Variants in ZFHX2 observed in about 807,000 individuals in gnomAD.
ZFHX2 encodes zinc finger homeobox 2.
ZFHX2 carries 75 observed loss-of-function variants against 164.8 expected under a neutral mutation model. That is an observed-to-expected ratio of 0.46 (90% CI 0.38 to 0.55). The LOEUF is 0.55. Ranked by LOEUF, ZFHX2 falls within the 20% of genes least tolerant of loss-of-function variation. The pLI, the probability that ZFHX2 is intolerant of heterozygous loss-of-function variation, is 0.00. For synonymous variants in ZFHX2, 1,217 were observed against 1,351.4 expected (o/e 0.90, Z 2.18); for missense variants, 2,933 against 3,308.0 (o/e 0.89, Z 2.78).
rs148866685 is a variant in ZFHX2 at position 23,539,650 on chromosome 14, C to G, written c.-49-4276G>C. 8.9e-4 allele frequency among the ~76,000 whole-genome samples: 136 copies of G among 152,298 alleles called. 1 individual carries two copies. In the East Asian group the frequency reaches 0.022, roughly 25 times the overall value. ...CTGAAGAGGAGCCATGTCGTGGATT[C>G]AGGCTGGCCGGCAGAACTGGAGGCA... On this transcript the variant is annotated intron_variant, in intron 1 of 9. Transcript: ENST00000419474.
chr14:23,545,094 C>T (rs1881250522), intron 1 of ZFHX2, among the ~76,000 whole-genome samples: 1 of 152,108 alleles, frequency 6.6e-6, no homozygotes, highest in South Asian at 2.1e-4. Flanking sequence ...TCTTTTCCTT[C>T]CCTCTCCCCC....
chr14:23,527,049 A>C, intron 7 of ZFHX2, 76 bp from the exon 8 acceptor site: 3 of 1,419,764 alleles, frequency 2.1e-6, no homozygotes, highest in Non-Finnish European at 2.7e-6. Context: ...CATCTGCCCT[A>C]CACCTGTACT....
In ZFHX2 at chr14:23,524,403, C is replaced by T; in HGVS notation, c.5539G>A (p.Gly1847Arg). Reference protein sequence around the residue: ...GSLSPTGSEAGGGGEGEPPRD... With the variant: ...GSLSPTGSEARGGGEGEPPRD... ...GGGGGCTCGCCCTCCCCTCCTCCCC[C>T]TGCTTCACTGCCTGTGGGAGACAAG... is the stretch of plus-strand genomic sequence containing the variant. The change falls in exon 9 of 10, where the codon GGG (glycine) becomes AGG (arginine). Residue 1847 changes from glycine to arginine, a missense_variant. Gly to Arg is a moderately radical substitution (Grantham distance 125). Coordinates refer to ENST00000419474, the MANE Select transcript of ZFHX2 (RefSeq NM_033400.3). This position sits in a 1 kb window ranked among gnomAD's most constrained non-coding sequence, Gnocchi z 5.6. 1 of 1,536,238 alleles carries T rather than the reference C, an allele frequency of 6.5e-7. No homozygotes were observed. Among genetic ancestry groups the T allele is most frequent in the Non-Finnish European group, 8.7e-7 (1 of 1,146,914 alleles).
chr14:23,525,720 G>A lies in ZFHX2; in HGVS notation c.4222C>T (p.Arg1408Trp), dbSNP rs757791460. 7.9e-6 allele frequency: 12 copies of A among 1,514,128 alleles called. No individual in the cohort carries two copies. The highest frequency in any genetic ancestry group is 6.0e-5 in the Admixed American group (3 of 49,676). 93.8% of individuals were successfully genotyped at this position (1,514,128 alleles called of 1,614,324 possible). A position where few individuals can be genotyped will look rare whatever the true frequency, so the allele number is the denominator to read the frequency against. Residue 1408 changes from arginine (R) to tryptophan (W), a missense_variant, in exon 9 of 10, where the codon CGG becomes TGG. By Grantham distance (101) the Arg-to-Trp change is moderately radical. Coordinates refer to ENST00000419474, the MANE Select transcript of ZFHX2 (RefSeq NM_033400.3). The surrounding 1 kb of genome is among the most constrained non-coding windows in gnomAD (Gnocchi z 5.9). ...PQPPKAELAE[R>W]EWERPPMAKE... ...GCCATGGGGGGCCGCTCCCACTCCC[G>A]CTCAGCCAGCTCAGCCTTGGGAGGT...
chr14:23,549,466 C>A (rs1881744267), intron 1 of ZFHX2, among the ~76,000 whole-genome samples: 1 of 152,130 alleles, frequency 6.6e-6, no homozygotes, highest in Non-Finnish European at 1.5e-5. Context: ...TTTATCCACC[C>A]TTACTGTTCT....
In ZFHX2 at chr14:23,524,569, A is replaced by G. The variant is rs1428708160; in HGVS notation, c.5373T>C (p.His1791=). The G allele has an allele frequency of 6.5e-7, 1 of 1,533,960 alleles. No homozygotes were observed. Among genetic ancestry groups the G allele is most frequent in the Non-Finnish European group, 8.7e-7 (1 of 1,145,504 alleles). ...CACTGGGCTGCAGAGATGGCAGGAA[A>G]TGTAGTCGGCGGTGACTGGTCAGGA... ...QDLLTSHRRL[H]FLPSLQPSAP... Residue 1791 remains histidine (H), a synonymous_variant, in exon 9 of 10, where the codon CAT becomes CAC. Coordinates refer to ENST00000419474, the MANE Select transcript of ZFHX2 (RefSeq NM_033400.3). The surrounding 1 kb of genome is among the most constrained non-coding windows in gnomAD (Gnocchi z 5.6).
chr14:23,545,163 A>G (rs893737067), intron 1 of ZFHX2, among the ~76,000 whole-genome samples: 1 of 152,074 alleles, frequency 6.6e-6, no homozygotes, highest in Admixed American at 6.5e-5. Context: ...CCAAAGGACA[A>G]ATCTCAAGGG....
chr14:23,536,462 T>C (rs1364698153), intron 1 of ZFHX2, among the ~76,000 whole-genome samples: 2 of 152,204 alleles, frequency 1.3e-5, no homozygotes, highest in Non-Finnish European at 1.5e-5. Flanking sequence ...GTGGAACAGA[T>C]GGGAGCTTCT....
rs1432295608 is a variant in ZFHX2, at chr14:23,532,984, C to G, written c.2142G>C (p.Leu714=). Residue 714 remains leucine (L), a synonymous_variant, in exon 3 of 10, where the codon CTG becomes CTC. Coordinates refer to ENST00000419474, the MANE Select transcript of ZFHX2 (RefSeq NM_033400.3). Reference sequence around the variant, plus strand: ...CTAGGCAGCGGAACACCTTCAGGGACAGGCTGTCGTCTGGGGGTGGTGAGG... The same window carrying G: ...CTAGGCAGCGGAACACCTTCAGGGAGAGGCTGTCGTCTGGGGGTGGTGAGG... ...LPTSPPPDDS[L]SLKVFRCLVC... The G allele has an allele frequency of 2.0e-6, 3 of 1,536,190 alleles. No homozygotes were observed. The highest frequency in any genetic ancestry group is 2.6e-6 in the Non-Finnish European group (3 of 1,146,904).
In ZFHX2 at chr14:23,551,176, C is replaced by T. The variant is rs1881916461; in HGVS notation, c.-50+167G>A. Among the ~76,000 whole-genome samples, 1 of 151,988 alleles carries T rather than the reference C, an allele frequency of 6.6e-6. No homozygotes were observed. The highest frequency in any genetic ancestry group is 2.4e-5 in the African/African-American group (1 of 41,366). On this transcript the variant is annotated intron_variant, in intron 1 of 9. Coordinates refer to ENST00000419474, the MANE Select transcript of ZFHX2 (RefSeq NM_033400.3). The surrounding 1 kb of genome is among the most constrained non-coding windows in gnomAD (Gnocchi z 5.3). ...CTCTCGGTCTGTCTGTCCGTCCGTC[C>T]TTGTCCCCTCCCCCAGCCCCTTCCC...
At chr14:23,532,449 C>G in intron 3 of ZFHX2, 118 bp downstream of exon 3, 1 of 1,269,280 alleles carries the variant, frequency 7.9e-7, no homozygotes, top group South Asian at 1.9e-5. Flanking sequence ...CTGGTGCATA[C>G]TTTCCTTTTT....
chr14:23,553,161 T>C (rs1882099479), upstream of ZFHX2, among the ~76,000 whole-genome samples: 1 of 152,190 alleles, frequency 6.6e-6, no homozygotes, highest in Non-Finnish European at 1.5e-5. Flanking sequence ...TGCTATAGCC[T>C]ACTTCTCTTA....
chr14:23,554,039 A>C (rs1291022077), upstream of ZFHX2, among the ~76,000 whole-genome samples: 3 of 57,996 alleles, frequency 5.2e-5, no homozygotes, highest in East Asian at 1.8e-3. Context: ...ACTCTGTCTC[A>C]AAAAAAAAAA....
At chr14:23,531,430 T>G in intron 4 of ZFHX2, 51 bp downstream of exon 4, 1 of 1,353,640 alleles carries the variant, frequency 7.4e-7, no homozygotes, top group South Asian at 1.9e-5. Context: ...GCTCCCCACA[T>G]CCTGCTGCCC....
Position 23,522,073 on chromosome 14 carries a change from G to A in ZFHX2, c.7608C>T (p.Asn2536=), listed in dbSNP as rs572871739. Reference sequence around the variant, plus strand: ...CAGCAGCCGAGGCAGCAGTGGCGGCGTTGGTGATGGAGATGGGTGGGCCCC... The same window carrying A: ...CAGCAGCCGAGGCAGCAGTGGCGGCATTGGTGATGGAGATGGGTGGGCCCC... ...PQGGPPISIT[N]AATAASAAVA... The change falls in exon 10 of 10, where the codon AAC becomes AAT. Residue 2536 remains asparagine, a synonymous_variant. Coordinates refer to ENST00000419474, the MANE Select transcript of ZFHX2 (RefSeq NM_033400.3). 104 of 1,536,306 alleles carry A rather than the reference G, an allele frequency of 6.8e-5. No homozygotes were observed. The highest frequency in any genetic ancestry group is 5.7e-4 in the South Asian group (48 of 84,060).
chr14:23,548,886 C>T (rs969200848), intron 1 of ZFHX2, among the ~76,000 whole-genome samples: 4 of 152,334 alleles, frequency 2.6e-5, no homozygotes, highest in Non-Finnish European at 4.4e-5. Flanking sequence ...GCATCAGTCA[C>T]GCTGTGTCCT....
intron 1 of ZFHX2, among the ~76,000 whole-genome samples, chr14:23,538,598 T>C (rs1218357590): frequency 6.6e-6 from 1 of 151,980 alleles, no homozygotes; most frequent in Admixed American, 6.6e-5. Context: ...CCATCGCCAT[T>C]CTTCCCTTTA....
rs892129575 is a variant in ZFHX2, at chr14:23,525,054, T to A, written c.4888A>T (p.Ser1630Cys). The change falls in exon 9 of 10, where the codon AGT (serine) becomes TGT (cysteine). Residue 1630 changes from serine (S) to cysteine (C), a missense_variant. Physicochemically the swap from Ser to Cys is moderately radical, Grantham distance 112. Coordinates refer to ENST00000419474, the MANE Select transcript of ZFHX2 (RefSeq NM_033400.3). This position sits in a 1 kb window ranked among gnomAD's most constrained non-coding sequence, Gnocchi z 5.9. ...PKDGEVERLA[S>C]LLGLASRVVV... ...ACACGGCTAGCCAGACCCAACAGACTTGCGAGTCGCTCCACCTCTCCGTCT... is the reference window on the plus strand; with the variant it reads ...ACACGGCTAGCCAGACCCAACAGACATGCGAGTCGCTCCACCTCTCCGTCT... 2.6e-5 allele frequency: 40 copies of A among 1,536,016 alleles called. No homozygotes were observed. The highest frequency in any genetic ancestry group is 3.3e-5 in the Non-Finnish European group (38 of 1,146,890).
rs1432960847 is a variant in ZFHX2, at chr14:23,532,740, C to A, written c.2386G>T (p.Gly796Cys). ...YQLAAHLREG[G>C]GAMGTPSPAS... Reference sequence around the variant, plus strand: ...GGGGAAGGGGTGCCCATGGCTCCACCCCCCTCCCGCAGGTGGGCTGCCAGC... The same window carrying A: ...GGGGAAGGGGTGCCCATGGCTCCACACCCCTCCCGCAGGTGGGCTGCCAGC... The change falls in exon 3 of 10, where the codon GGT becomes TGT. Residue 796 changes from glycine (G) to cysteine (C), a missense_variant. Transcript: ENST00000419474. 1 of 1,536,030 alleles carries A rather than the reference C, an allele frequency of 6.5e-7. No individual in the cohort carries two copies.
Sources: gnomAD v4.1 joint callset for allele counts (sites outside exome capture counted in the v4.1 genomes callset) on GRCh38, gnomAD v4.1.1 for gene constraint, Gnocchi (gnomAD v3.1) non-coding constraint, MANE v1.5 for transcripts, NCBI Gene and HGNC (gene_info 2026-07-23, HGNC 2026-07-21) for gene names.